The following RABGAP1L variants were observed in gnomAD, a reference collection of about 807,000 sequenced individuals.
The protein encoded by RABGAP1L is RAB GTPase activating protein 1 like.
In RABGAP1L, 63 loss-of-function variants were observed where a neutral mutation model predicts 137.7. The ratio of observed to expected loss-of-function variants is 0.46; its 90% confidence interval spans 0.37 to 0.56. The LOEUF is 0.56. Among genes scored for constraint, RABGAP1L ranks in the 20% least tolerant of loss-of-function variants. The pLI, the probability that RABGAP1L is intolerant of heterozygous loss-of-function variation, is 0.00. For synonymous variants in RABGAP1L, 431 were observed against 433.7 expected (o/e 0.99, Z 0.08); for missense variants, 1,095 against 1,244.0 (o/e 0.88, Z 1.80).
intron 4 of RABGAP1L, 81 bp from the exon 5 acceptor site, chr1:174,241,402 A>G: frequency 1.5e-6 from 1 of 647,070 alleles, no homozygotes; most frequent in South Asian, 4.2e-5. Flanking sequence ...CTTTTTTTTT[A>G]AAAAAAAAAA....
intron 13 of RABGAP1L, among the ~76,000 whole-genome samples, chr1:174,556,900 A>C (rs1301828659): frequency 3.3e-5 from 5 of 152,316 alleles, no homozygotes; most frequent in African/African-American, 1.2e-4. Context: ...CAACCATCCC[A>C]AAATTGAGCA....
In RABGAP1L at chr1:174,992,427, A is replaced by G. The variant is rs1259737141; in HGVS notation, c.*2426A>G. On this transcript the variant is annotated 3_prime_UTR_variant, in exon 26 of 26. Coordinates refer to ENST00000681986, the MANE Select transcript of RABGAP1L (RefSeq NM_001366446.1). ...TACATTCCATCCAGCCTGGGCGACA[A>G]GAGCAAAATTCCGTCTCGAAAAATC... 4 of 152,330 alleles carry G rather than the reference A, an allele frequency of 2.6e-5. No homozygotes were observed. In the East Asian group the frequency reaches 7.7e-4, roughly 29 times the overall value. 9.4% of individuals were successfully genotyped at this position (152,330 alleles called of 1,614,324 possible). A position where few individuals can be genotyped will look rare whatever the true frequency, so the allele number is the denominator to read the frequency against.
At chr1:174,285,174 G>A (rs1248058924) in intron 10 of RABGAP1L, among the ~76,000 whole-genome samples, 5 of 151,890 alleles carry the variant, frequency 3.3e-5, no homozygotes, top group African/African-American at 9.7e-5. Flanking sequence ...TTGCCACCAC[G>A]CCCGGCTAAT....
chr1:174,816,474 A>G (rs1690428520), intron 19 of RABGAP1L, among the ~76,000 whole-genome samples: 2 of 151,954 alleles, frequency 1.3e-5, no homozygotes, highest in South Asian at 4.2e-4. Context: ...TTAAGTGCAT[A>G]TACACATAAT....
At chr1:174,864,168 G>A (rs1382884768) in intron 19 of RABGAP1L, among the ~76,000 whole-genome samples, 1 of 152,186 alleles carries the variant, frequency 6.6e-6, no homozygotes, top group African/African-American at 2.4e-5. Flanking sequence ...AAGTATCTCA[G>A]AAGCTCATCT....
chr1:174,894,001 A>C (rs902640305), intron 19 of RABGAP1L, among the ~76,000 whole-genome samples: 4 of 152,102 alleles, frequency 2.6e-5, no homozygotes, highest in African/African-American at 9.7e-5. Context: ...ATTACACTGG[A>C]GGGTGGGCTG....
intron 3 of RABGAP1L, among the ~76,000 whole-genome samples, chr1:174,222,014 G>A (rs1231956192): frequency 6.8e-6 from 1 of 146,966 alleles, no homozygotes; most frequent in South Asian, 2.1e-4. Context: ...TTTTTTTGTA[G>A]TGATGGGGTT....
chr1:174,349,660 CG>C (rs1449153061), intron 11 of RABGAP1L, among the ~76,000 whole-genome samples: 64 of 125,830 alleles, frequency 5.1e-4, no homozygotes, highest in Admixed American at 6.9e-4. Flanking sequence ...CCCTCCCGGA[CG>C]AGGCGGCTGG....
chr1:174,347,824 C>T (rs1244385544), intron 11 of RABGAP1L, among the ~76,000 whole-genome samples: 2 of 152,294 alleles, frequency 1.3e-5, no homozygotes, highest in East Asian at 3.9e-4. Flanking sequence ...ATTATAGCTC[C>T]TCCTGTTCTT....
chr1:174,964,622 C>G (rs1669452878), intron 20 of RABGAP1L: 1 of 234,118 alleles, frequency 4.3e-6, no homozygotes, highest in South Asian at 1.1e-4. Flanking sequence ...TTTAACAACA[C>G]AGTATCAACA....
chr1:174,719,119 G>A (rs1388013600), intron 17 of RABGAP1L, among the ~76,000 whole-genome samples: 10 of 152,026 alleles, frequency 6.6e-5, no homozygotes, highest in African/African-American at 2.2e-4. Context: ...GATTACAGGC[G>A]TGAGCCACCG....
intron 13 of RABGAP1L, among the ~76,000 whole-genome samples, chr1:174,574,938 G>C (rs1198006204): frequency 2.0e-5 from 3 of 152,132 alleles, no homozygotes; most frequent in Admixed American, 2.0e-4. Flanking sequence ...TTGTTTGTTT[G>C]TTTGTTTTTG....
chr1:174,639,962 A>G (rs1323298884), intron 14 of RABGAP1L, among the ~76,000 whole-genome samples: 1 of 152,194 alleles, frequency 6.6e-6, no homozygotes, highest in Admixed American at 6.5e-5. Context: ...AATGAAGAAT[A>G]TTGTAAAATG....
intron 1 of RABGAP1L, among the ~76,000 whole-genome samples, chr1:174,184,809 C>T (rs567261790): frequency 6.6e-6 from 1 of 152,208 alleles, no homozygotes; most frequent in Admixed American, 6.5e-5. Context: ...GGTGTTAATC[C>T]CTTGTAAACT....
intron 13 of RABGAP1L, among the ~76,000 whole-genome samples, chr1:174,621,917 A>C (rs529701038): frequency 6.6e-6 from 1 of 152,208 alleles, no homozygotes; most frequent in Non-Finnish European, 1.5e-5. Flanking sequence ...TGAACAGGCA[A>C]CCTACAAAAT....
intron 1 of RABGAP1L, among the ~76,000 whole-genome samples, chr1:174,198,862 A>G (rs1408587358): frequency 6.6e-6 from 1 of 152,172 alleles, no homozygotes; most frequent in East Asian, 1.9e-4. Context: ...TAATCCCAGT[A>G]CTTTAGGAGG....
intron 14 of RABGAP1L, among the ~76,000 whole-genome samples, chr1:174,647,134 A>G (rs1409533819): frequency 6.6e-6 from 1 of 152,142 alleles, no homozygotes; most frequent in Admixed American, 6.5e-5. Context: ...TTCTAAATAT[A>G]TAATCATGTC....
chr1:174,621,451 C>G (rs1317361945), intron 13 of RABGAP1L, among the ~76,000 whole-genome samples: 1 of 152,196 alleles, frequency 6.6e-6, no homozygotes, highest in African/African-American at 2.4e-5. Flanking sequence ...TGACTTCAAA[C>G]TATACTACAA....
At chr1:174,410,013 T>C (rs1002485693) in intron 13 of RABGAP1L, among the ~76,000 whole-genome samples, 2 of 152,168 alleles carry the variant, frequency 1.3e-5, no homozygotes, top group African/African-American at 4.8e-5. Context: ...ATGTGATCTT[T>C]GTTATCCTTT....
Sources: allele counts gnomAD v4.1 joint callset (sites outside exome capture counted in the v4.1 genomes callset), GRCh38; gene constraint gnomAD v4.1.1; transcripts MANE v1.5; gene names NCBI Gene and HGNC (gene_info 2026-07-23, HGNC 2026-07-21).